The following POU2AF1 variants were observed in gnomAD, a reference collection of about 807,000 sequenced individuals.
POU2AF1 encodes the protein POU domain class 2-associating factor 1.
A neutral mutation model predicts 26.3 loss-of-function variants in POU2AF1; 12 were observed. The ratio of observed to expected loss-of-function variants is 0.46; its 90% confidence interval spans 0.29 to 0.74. The LOEUF (loss-of-function observed/expected upper bound fraction) is 0.74. Among genes scored for constraint, POU2AF1 ranks in the 30% least tolerant of loss-of-function variants. The pLI, the probability that POU2AF1 is intolerant of heterozygous loss-of-function variation, is 0.09. For synonymous variants in POU2AF1, 175 were observed against 148.0 expected (o/e 1.18, Z -1.32); for missense variants, 297 against 334.5 (o/e 0.89, Z 0.87).
intron 2 of POU2AF1, 147 bp downstream of exon 2, chr11:111,358,639 CTA>C (rs956339138): frequency 8.9e-6 from 9 of 1,010,184 alleles, no homozygotes; most frequent in African/African-American, 1.6e-5. Context: ...CTCTCTCACA[CTA>C]TCACACTCTC....
At chr11:111,355,897 C>A (rs766399702) in intron 4 of POU2AF1, among the ~76,000 whole-genome samples, 8 of 152,178 alleles carry the variant, frequency 5.3e-5, no homozygotes, top group Non-Finnish European at 1.0e-4. Flanking sequence ...TCCGGGAAAG[C>A]CTCATGATTC....
chr11:111,371,545 T>C (rs1034725560), intron 1 of POU2AF1, among the ~76,000 whole-genome samples: 1 of 152,086 alleles, frequency 6.6e-6, no homozygotes, highest in Admixed American at 6.6e-5. Context: ...AGATTAATCA[T>C]CAGAAGTAAC....
At chr11:111,357,375 G>T in intron 4 of POU2AF1, 70 bp downstream of exon 4, 1 of 1,588,058 alleles carries the variant, frequency 6.3e-7, no homozygotes, top group South Asian at 1.1e-5. Context: ...TCAGGATCGA[G>T]AAGTCAGCTC....
At chr11:111,368,149 C>G (rs1283106138) in intron 1 of POU2AF1, among the ~76,000 whole-genome samples, 1 of 152,218 alleles carries the variant, frequency 6.6e-6, no homozygotes, top group Admixed American at 6.5e-5. Context: ...AGAGCTGCAT[C>G]TGCCTCAGAA....
intron 1 of POU2AF1, among the ~76,000 whole-genome samples, chr11:111,378,751 G>A (rs925062803): frequency 4.6e-5 from 7 of 152,198 alleles, no homozygotes; most frequent in Non-Finnish European, 8.8e-5. Context: ...GAAGGCTGAA[G>A]AGCCACTGCT....
chr11:111,358,317 CACGT>C, intron 2 of POU2AF1, among the ~76,000 whole-genome samples: 3 of 145,636 alleles, frequency 2.1e-5, no homozygotes, highest in Admixed American at 6.8e-5. Flanking sequence ...CTCTCTCACA[CACGT>C]ACTCTCTCAC....
chr11:111,376,289 T>C (rs1779829138), intron 1 of POU2AF1, among the ~76,000 whole-genome samples: 1 of 152,220 alleles, frequency 6.6e-6, no homozygotes, highest in Non-Finnish European at 1.5e-5. Flanking sequence ...AGAACTAAGT[T>C]GCACAGGCAA....
At chr11:111,376,056 A>G (rs1031507044) in intron 1 of POU2AF1, among the ~76,000 whole-genome samples, 5 of 152,216 alleles carry the variant, frequency 3.3e-5, no homozygotes, top group African/African-American at 1.2e-4. Flanking sequence ...AAGTGTGGAA[A>G]AGAATATATG....
chr11:111,375,912 T>G (rs1357472576), intron 1 of POU2AF1, among the ~76,000 whole-genome samples: 10 of 152,238 alleles, frequency 6.6e-5, no homozygotes, highest in Non-Finnish European at 1.0e-4. Flanking sequence ...AAACTTTATT[T>G]ACAAATGGAG....
chr11:111,354,581 A>G lies in POU2AF1; in HGVS notation c.457-6T>C, dbSNP rs1291257907. On this transcript the variant is annotated splice_region_variant and splice_polypyrimidine_tract_variant and intron_variant, in intron 4 of 4. Transcript: ENST00000393067. Reference sequence around the variant, plus strand: ...GGCGTGGCGGAGCTTCTTGTCTGTGACAGGAAAACACGTGACAGAGGGTTA... The same window carrying G: ...GGCGTGGCGGAGCTTCTTGTCTGTGGCAGGAAAACACGTGACAGAGGGTTA... 7.9e-6 allele frequency: 12 copies of G among 1,511,562 alleles called. No homozygotes were observed. Among genetic ancestry groups the G allele is most frequent in the Non-Finnish European group, 1.1e-5 (12 of 1,135,506 alleles). The allele number at this position is 1,511,562 out of a possible 1,614,324, so 93.6% of individuals were successfully genotyped here. A position where few individuals can be genotyped will look rare whatever the true frequency, so the allele number is the denominator to read the frequency against.
At chr11:111,368,986 A>G (rs1295715522) in intron 1 of POU2AF1, among the ~76,000 whole-genome samples, 1 of 152,208 alleles carries the variant, frequency 6.6e-6, no homozygotes, top group Non-Finnish European at 1.5e-5. Context: ...CCATTCAGCT[A>G]CATCCTGATA....
rs1301157293 is a variant in POU2AF1, at chr11:111,353,524, G to A, written c.*737C>T. 4.3e-6 allele frequency: 1 copy of A among 233,268 alleles called. No homozygotes were observed. Among genetic ancestry groups the A allele is most frequent in the African/African-American group, 2.2e-5 (1 of 45,230 alleles). 14.4% of individuals were successfully genotyped at this position (233,268 alleles called of 1,614,324 possible). ...GAGCCCCAGGCCTTGAGATTTTGCT[G>A]CCTGGACTGTAAATCTGGCCGAGGC... On this transcript the variant is annotated 3_prime_UTR_variant, in exon 5 of 5. Transcript: ENST00000393067.
At chr11:111,375,152 C>T (rs1305971018) in intron 1 of POU2AF1, among the ~76,000 whole-genome samples, 1 of 152,162 alleles carries the variant, frequency 6.6e-6, no homozygotes, top group African/African-American at 2.4e-5. Context: ...TCAGTCAAGC[C>T]TGCCTTTCAT....
intron 2 of POU2AF1, 50 bp from the exon 3 acceptor site, chr11:111,357,887 G>C: frequency 6.5e-7 from 1 of 1,533,354 alleles, no homozygotes; most frequent in Non-Finnish European, 8.8e-7. Flanking sequence ...CTCGTCAACC[G>C]GCCCTGTGCA....
At chr11:111,360,550 G>A (rs992972115) in intron 1 of POU2AF1, among the ~76,000 whole-genome samples, 2 of 152,170 alleles carry the variant, frequency 1.3e-5, no homozygotes, top group African/African-American at 4.8e-5. Context: ...ATCTCAGGTG[G>A]ACTTTAGACC....
In POU2AF1 at chr11:111,358,806, T is replaced by C. The variant is rs116229465; in HGVS notation, c.129A>G (p.Ala43=). The C allele has an allele frequency of 9.6e-4, 1,530 of 1,601,724 alleles. 18 individuals are homozygous for C. The African/African-American group carries it at 0.018, about 19-fold the overall frequency. The change falls in exon 2 of 5, where the codon GCA becomes GCG. Residue 43 remains alanine, a synonymous_variant. Transcript: ENST00000393067. ...RRKRGHASSG[A]APAPTAVVLP... is the part of the protein sequence containing the mutation. ...CTCTCACCGCCGTAGGTGCAGGTGCTGCCCCACTGCTGGCGTGGCCTCGCT... is the reference window on the plus strand; with the variant it reads ...CTCTCACCGCCGTAGGTGCAGGTGCCGCCCCACTGCTGGCGTGGCCTCGCT...
intron 1 of POU2AF1, chr11:111,363,434 C>A: frequency 9.9e-7 from 1 of 1,013,798 alleles, no homozygotes; most frequent in South Asian, 4.6e-5. Context: ...TTCACACCAA[C>A]CTATGTGCAG....
intron 3 of POU2AF1, 26 bp downstream of exon 3, chr11:111,357,769 C>T: frequency 6.2e-7 from 1 of 1,612,638 alleles, no homozygotes; most frequent in Non-Finnish European, 8.5e-7. Context: ...GGCCTGGGGG[C>T]CACCAGGGCT....
intron 1 of POU2AF1, among the ~76,000 whole-genome samples, chr11:111,366,244 A>G (rs188094846): frequency 5.9e-5 from 9 of 152,352 alleles, no homozygotes; most frequent in Non-Finnish European, 2.9e-5. Flanking sequence ...TCCATTCACT[A>G]ACATTTGAAC....
Sources: gnomAD v4.1 joint callset for allele counts (sites outside exome capture counted in the v4.1 genomes callset) on GRCh38, gnomAD v4.1.1 for gene constraint, MANE v1.5 for transcripts, NCBI Gene and HGNC (gene_info 2026-07-23, HGNC 2026-07-21) for gene names.